MID1: variants seen among roughly 807,000 people sequenced by gnomAD.
MID1 encodes E3 ubiquitin-protein ligase Midline-1.
MID1 carries 7 observed loss-of-function variants against 40.4 expected under a neutral mutation model. That is an observed-to-expected ratio of 0.17 (90% CI 0.10 to 0.33). MID1 has a LOEUF of 0.33. MID1 is among the 10% of genes least tolerant of loss of function. The probability of loss-of-function intolerance (pLI) is 1.00; values close to 1 mark genes in which losing one functional copy is unlikely to be tolerated. For synonymous variants in MID1, 229 were observed against 221.2 expected (o/e 1.04, Z -0.31); for missense variants, 367 against 558.5 (o/e 0.66, Z 3.46).
intron 1 of MID1, among the ~76,000 whole-genome samples, chrX:10,763,222 G>T (rs1217514676): frequency 2.8e-5 from 3 of 106,559 alleles, no homozygotes; most frequent in African/African-American, 1.0e-4. Flanking sequence ...GTGCAGGTTT[G>T]TTACATATGT....
intron 1 of MID1, among the ~76,000 whole-genome samples, chrX:10,747,698 C>G (rs962020218): frequency 8.9e-6 from 1 of 111,926 alleles, no homozygotes; most frequent in African/African-American, 3.2e-5. Flanking sequence ...TAAAAATTTT[C>G]TCCTATGCCT....
At chrX:10,530,079 G>A (rs780606811) in intron 2 of MID1, among the ~76,000 whole-genome samples, 7 of 111,910 alleles carry the variant, frequency 6.3e-5, no homozygotes, top group South Asian at 3.7e-4. Context: ...AATTTTTGAG[G>A]AATGTTATAT....
At chrX:10,689,503 G>A (rs934798043) in intron 1 of MID1, among the ~76,000 whole-genome samples, 2 of 111,301 alleles carry the variant, frequency 1.8e-5, no homozygotes, top group African/African-American at 6.5e-5. Context: ...TTTGGGTGGG[G>A]ACACAAAGCC....
At chrX:10,830,481 C>CA (rs1266618087) in intron 1 of MID1, among the ~76,000 whole-genome samples, 1 of 112,352 alleles carries the variant, frequency 8.9e-6, no homozygotes, top group Non-Finnish European at 1.9e-5. Flanking sequence ...ATTAATAATG[C>CA]AAAAAATGTT....
intron 1 of MID1, among the ~76,000 whole-genome samples, chrX:10,641,392 C>T (rs1338489106): frequency 8.9e-6 from 1 of 111,958 alleles, no homozygotes; most frequent in African/African-American, 3.2e-5. Flanking sequence ...CTATAAACAC[C>T]TCTACACAAA....
intron 1 of MID1, among the ~76,000 whole-genome samples, chrX:10,780,347 T>G (rs757857074): frequency 9.0e-6 from 1 of 111,610 alleles, no homozygotes; most frequent in East Asian, 2.8e-4. Context: ...CTGAGAAAAT[T>G]AGATATCCTC....
At chrX:10,764,125 A>G (rs2043702863) in intron 1 of MID1, among the ~76,000 whole-genome samples, 2 of 111,019 alleles carry the variant, frequency 1.8e-5, no homozygotes, top group Non-Finnish European at 3.8e-5. Context: ...TTGCCTGTTC[A>G]CTCTGATGGT....
rs763115440 is a variant in MID1, at chrX:10,589,044, C to G, written c.-56-21441G>C. 8.1e-4 allele frequency among the ~76,000 whole-genome samples: 90 copies of G among 111,574 alleles called. 1 individual carries two copies. The highest frequency in any genetic ancestry group is 2.8e-3 in the African/African-American group (86 of 30,663). On this transcript the variant is annotated intron_variant, in intron 1 of 9. Coordinates refer to ENST00000317552, the MANE Select transcript of MID1 (RefSeq NM_000381.4). ...ACCCATGCTTCTTTGAGACAAAACA[C>G]CATGCTCACACCACACGCACACCAC...
intron 1 of MID1, among the ~76,000 whole-genome samples, chrX:10,798,154 C>T (rs1488274638): frequency 1.8e-5 from 2 of 112,210 alleles, no homozygotes; most frequent in Non-Finnish European, 3.8e-5. Context: ...TTCTCATGTT[C>T]TCTTTTCAGA....
intron 1 of MID1, among the ~76,000 whole-genome samples, chrX:10,678,513 A>G (rs2043037823): frequency 8.9e-6 from 1 of 112,464 alleles, no homozygotes; most frequent in Non-Finnish European, 1.9e-5. Context: ...GAAGATATTT[A>G]TGTCTGTATC....
intron 1 of MID1, among the ~76,000 whole-genome samples, chrX:10,812,347 A>G (rs894539002): frequency 8.9e-6 from 1 of 111,741 alleles, no homozygotes; most frequent in Non-Finnish European, 1.9e-5. Flanking sequence ...GCTGCCACAT[A>G]TTTAAGACAG....
At chrX:10,649,610 A>T (rs1192913544) in intron 1 of MID1, among the ~76,000 whole-genome samples, 4 of 112,193 alleles carry the variant, frequency 3.6e-5, no homozygotes. Flanking sequence ...AAAATAAGCA[A>T]TGAAAATCAT....
intron 1 of MID1, among the ~76,000 whole-genome samples, chrX:10,691,081 C>A (rs1447479424): frequency 8.9e-6 from 1 of 111,952 alleles, no homozygotes; most frequent in East Asian, 2.8e-4. Context: ...TATTTTAGCT[C>A]AGTGCTGTCT....
chrX:10,716,928 C>T (rs1161327029), intron 1 of MID1, among the ~76,000 whole-genome samples: 1 of 111,569 alleles, frequency 9.0e-6, no homozygotes, highest in Non-Finnish European at 1.9e-5. Context: ...CCCAGAATTT[C>T]ATATCCAGCC....
intron 2 of MID1, among the ~76,000 whole-genome samples, chrX:10,558,654 T>C (rs1246943435): frequency 8.8e-6 from 1 of 113,082 alleles, no homozygotes; most frequent in Non-Finnish European, 1.9e-5. Context: ...TGCCTCCTAG[T>C]TTCTAACAGT....
At chrX:10,464,440 G>A (rs981906024) in intron 7 of MID1, among the ~76,000 whole-genome samples, 1 of 111,931 alleles carries the variant, frequency 8.9e-6, no homozygotes, top group African/African-American at 3.2e-5. Flanking sequence ...TTGAGTTAGG[G>A]CCTTTTGGCC....
chrX:10,754,310 TTTTTTGTTTTTTG>T (rs1196991576), intron 1 of MID1, among the ~76,000 whole-genome samples: 3 of 101,206 alleles, frequency 3.0e-5, no homozygotes, highest in African/African-American at 1.4e-4. Context: ...TTTTTTTTTG[TTTTTTGTTTTTTG>T]TTTTTTTTGT....
chrX:10,746,629 A>G (rs1311560954), intron 1 of MID1, among the ~76,000 whole-genome samples: 2 of 111,028 alleles, frequency 1.8e-5, no homozygotes, highest in Non-Finnish European at 3.8e-5. Flanking sequence ...TCCTTTGGGA[A>G]TCCAAATTCT....
At chrX:10,690,642 A>G (rs2043126754) in intron 1 of MID1, among the ~76,000 whole-genome samples, 1 of 111,367 alleles carries the variant, frequency 9.0e-6, no homozygotes, top group Non-Finnish European at 1.9e-5. Context: ...GGTGAAGTCT[A>G]TTCTTTGGGT....
Sources: gnomAD v4.1 joint callset for allele counts (sites outside exome capture counted in the v4.1 genomes callset) on GRCh38, gnomAD v4.1.1 for gene constraint, MANE v1.5 for transcripts, NCBI Gene and HGNC (gene_info 2026-07-23, HGNC 2026-07-21) for gene names.